Variants in PCDHA8 observed in about 807,000 individuals in gnomAD.
The protein encoded by PCDHA8 is protocadherin alpha 8.
In PCDHA8, 53 loss-of-function variants were observed where a neutral mutation model predicts 61.8. The ratio of observed to expected loss-of-function variants is 0.86; its 90% CI spans 0.69 to 1.08. The LOEUF (loss-of-function observed/expected upper bound fraction) is 1.08. Among genes scored for constraint, PCDHA8 ranks in the 50% least tolerant of loss-of-function variants. The pLI, the probability that PCDHA8 is intolerant of heterozygous loss-of-function variation, is 0.00. For synonymous variants in PCDHA8, 618 were observed against 556.6 expected, an observed-to-expected ratio of 1.11 and a Z score of -1.55; for missense variants, 1,293 against 1,245.0, an observed-to-expected ratio of 1.04 and a Z score of -0.58.
rs546348432 is a variant in PCDHA8, at chr5:141,012,203, T to G, written c.*2266T>G. ...TTATAATGTATCTGTACAGCACTTTTTACATTTGCGAAGTGCTTTCCAATC... is the reference window on the plus strand; with the variant it reads ...TTATAATGTATCTGTACAGCACTTTGTACATTTGCGAAGTGCTTTCCAATC... On this transcript the variant is annotated 3_prime_UTR_variant, in exon 4 of 4. Transcript: ENST00000531613. 2.0e-5 allele frequency: 3 copies of G among 153,792 alleles called. No individual in the cohort carries two copies. The highest frequency in any genetic ancestry group is 4.4e-5 in the Non-Finnish European group (3 of 68,050). The allele number at this position is 153,792 out of a possible 1,614,324, so 9.5% of individuals were successfully genotyped here.
intron 1 of PCDHA8, among the ~76,000 whole-genome samples, chr5:140,887,714 T>C (rs772328025): frequency 6.6e-6 from 1 of 152,220 alleles, no homozygotes; most frequent in Admixed American, 6.5e-5. Flanking sequence ...CTTCTTCTAA[T>C]AGTTTTTTCT....
chr5:140,902,963 G>T (rs2069893804), intron 1 of PCDHA8, among the ~76,000 whole-genome samples: 1 of 152,180 alleles, frequency 6.6e-6, no homozygotes, highest in Non-Finnish European at 1.5e-5. Context: ...CTTGTTGGCT[G>T]ATGGGCATTT....
At chr5:140,989,724 T>C (rs1251385686) in intron 3 of PCDHA8, among the ~76,000 whole-genome samples, 6 of 152,178 alleles carry the variant, frequency 3.9e-5, no homozygotes, top group African/African-American at 1.4e-4. Context: ...AGCTTTGCAG[T>C]TGAAAAGGCC....
chr5:140,877,632 G>A (rs2057247482), intron 1 of PCDHA8: 2 of 1,613,768 alleles, frequency 1.2e-6, no homozygotes, highest in East Asian at 4.5e-5. Context: ...TGTACACTGC[G>A]CTGCGTTGCT....
intron 1 of PCDHA8, among the ~76,000 whole-genome samples, chr5:140,887,610 A>G (rs544288452): frequency 3.2e-4 from 49 of 151,656 alleles, no homozygotes; most frequent in Admixed American, 2.7e-3. Context: ...GTGCTTTAGT[A>G]TGGTTTTCTT....
At position 140,841,727 on chromosome 5, in the gene PCDHA8, A is replaced by G. The variant is rs2150321736; in HGVS notation, c.406A>G (p.Lys136Glu). 1 of 1,613,902 alleles carries G rather than the reference A, an allele frequency of 6.2e-7. No individual in the cohort carries two copies. Among genetic ancestry groups the G allele is most frequent in the Admixed American group, 1.7e-5 (1 of 60,000 alleles). ...VNDNPPVFRV[K>E]DQKLFVSESR... ...TGACAACCCGCCAGTGTTCCGGGTAAAAGACCAAAAGCTGTTTGTTTCAGA... is the reference window on the plus strand; with the variant it reads ...TGACAACCCGCCAGTGTTCCGGGTAGAAGACCAAAAGCTGTTTGTTTCAGA... The change falls in exon 1 of 4, where the codon AAA becomes GAA. Residue 136 changes from lysine (K) to glutamate (E), a missense_variant. Transcript: ENST00000531613.
At chr5:140,903,347 A>C (rs1393300562) in intron 1 of PCDHA8, among the ~76,000 whole-genome samples, 2 of 152,228 alleles carry the variant, frequency 1.3e-5, no homozygotes, top group Non-Finnish European at 2.9e-5. Context: ...GCATTTTAAA[A>C]AACAAGTTTT....
At position 140,976,185 on chromosome 5, in the gene PCDHA8, A is replaced by G. The variant is rs545410193; in HGVS notation, c.2395-2764A>G. Among the ~76,000 whole-genome samples the G allele has an allele frequency of 4.6e-5, 7 of 152,340 alleles. No homozygotes were observed. The South Asian group carries it at 1.2e-3, about 27-fold the overall frequency. ...TTTAGTTTTGTATTGTTTTAAATCAATATCCTGGAAACTCAGAAGTAAAAA... is the reference window on the plus strand; with the variant it reads ...TTTAGTTTTGTATTGTTTTAAATCAGTATCCTGGAAACTCAGAAGTAAAAA... On this transcript the variant is annotated intron_variant, in intron 1 of 3. Coordinates refer to ENST00000531613, the MANE Select transcript of PCDHA8 (RefSeq NM_018911.3).
chr5:140,972,399 T>C (rs1554234105), intron 1 of PCDHA8, among the ~76,000 whole-genome samples: 2 of 152,062 alleles, frequency 1.3e-5, no homozygotes, highest in South Asian at 2.1e-4. Context: ...TGCTTCACTA[T>C]TGGCAAACCC....
intron 1 of PCDHA8, among the ~76,000 whole-genome samples, chr5:140,920,150 G>A (rs2079485713): frequency 6.6e-6 from 1 of 152,244 alleles, no homozygotes; most frequent in South Asian, 2.1e-4. Flanking sequence ...CCAAACCTGG[G>A]AGAAAAACTG....
At chr5:140,943,144 G>C (rs894787678) in intron 1 of PCDHA8, among the ~76,000 whole-genome samples, 1 of 151,178 alleles carries the variant, frequency 6.6e-6, no homozygotes, top group Non-Finnish European at 1.5e-5. Context: ...TGTAGTCCCA[G>C]CTACTCTGGA....
At chr5:140,891,428 C>G (rs2063097176) in intron 1 of PCDHA8, among the ~76,000 whole-genome samples, 1 of 149,620 alleles carries the variant, frequency 6.7e-6, no homozygotes, top group Admixed American at 6.7e-5. Flanking sequence ...CCCCAAGTCC[C>G]CAACGTCCAT....
chr5:140,896,404 G>T (rs1003824556), intron 1 of PCDHA8, among the ~76,000 whole-genome samples: 4 of 151,996 alleles, frequency 2.6e-5, no homozygotes, highest in Admixed American at 2.6e-4. Context: ...TGTTATTTTT[G>T]ACTTTTTAGT....
intron 1 of PCDHA8, among the ~76,000 whole-genome samples, chr5:140,924,635 C>G (rs2081927697): frequency 6.6e-6 from 1 of 152,108 alleles, no homozygotes; most frequent in Non-Finnish European, 1.5e-5. Context: ...GGGCTCACAC[C>G]TGTAATCCCA....
At chr5:140,927,816 A>G in intron 1 of PCDHA8, 2 of 1,614,198 alleles carry the variant, frequency 1.2e-6, no homozygotes, top group Non-Finnish European at 1.7e-6. Flanking sequence ...TCTTGGAGGC[A>G]TACATTGAGG....
rs377755323 is a variant in PCDHA8 at position 140,870,200 on chromosome 5, C to T, written c.2394+26485C>T. Reference sequence around the variant, plus strand: ...GTACGAGAGGACGCTCAGCCCAGCACGGTCATTGCCCTGATCAGCGTGTCT... The same window carrying T: ...GTACGAGAGGACGCTCAGCCCAGCATGGTCATTGCCCTGATCAGCGTGTCT... On this transcript the variant is annotated intron_variant, in intron 1 of 3. Transcript: ENST00000531613. 7 of 1,614,172 alleles carry T rather than the reference C, an allele frequency of 4.3e-6. No homozygotes were observed. The African/African-American group carries it at 5.3e-5, about 12-fold the overall frequency.
chr5:140,982,661 T>C, intron 3 of PCDHA8, 98 bp downstream of exon 3: 1 of 1,482,624 alleles, frequency 6.7e-7, no homozygotes, highest in Admixed American at 2.6e-5. Flanking sequence ...TCTTTTTCTT[T>C]TATATTTTTG....
In PCDHA8 at chr5:140,908,379, G is replaced by A. The variant is rs553504980; in HGVS notation, c.2394+64664G>A. Among the ~76,000 whole-genome samples the A allele has an allele frequency of 7.2e-5, 11 of 152,198 alleles. No individual in the cohort carries two copies. In the South Asian group the frequency reaches 1.2e-3, roughly 17 times the overall value. On this transcript the variant is annotated intron_variant, in intron 1 of 3. Coordinates refer to ENST00000531613, the MANE Select transcript of PCDHA8 (RefSeq NM_018911.3). ...TTACTTGTGCCTTCAGGACCTGCTC[G>A]AGCCCGATCACATATATACCACTTC...
intron 1 of PCDHA8, among the ~76,000 whole-genome samples, chr5:140,939,802 A>C (rs1347672258): frequency 6.6e-6 from 1 of 152,220 alleles, no homozygotes; most frequent in Admixed American, 6.5e-5. Context: ...AATGTTCTGC[A>C]TGTTCAAGAA....
Sources: gnomAD v4.1 joint callset for allele counts (sites outside exome capture counted in the v4.1 genomes callset) on GRCh38, gnomAD v4.1.1 for gene constraint, MANE v1.5 for transcripts, NCBI Gene and HGNC (gene_info 2026-07-23, HGNC 2026-07-21) for gene names.